Variants in KCNAB1 observed in about 807,000 individuals in gnomAD.
The protein encoded by KCNAB1 is voltage-gated potassium channel subunit beta-1.
KCNAB1 carries 35 observed loss-of-function variants against 64.6 expected under a neutral mutation model. The observed-to-expected ratio is 0.54, with a 90% confidence interval of 0.41 to 0.72. The LOEUF is 0.72. Among genes scored for constraint, KCNAB1 ranks in the 30% least tolerant of loss-of-function variants. KCNAB1 has a pLI of 0.00. For synonymous variants in KCNAB1, 177 were observed against 183.8 expected, an observed-to-expected ratio of 0.96 and a Z score of 0.30; for missense variants, 401 against 512.9, an observed-to-expected ratio of 0.78 and a Z score of 2.11.
chr3:156,519,214 T>C (rs1436407179), intron 11 of KCNAB1, among the ~76,000 whole-genome samples: 1 of 152,224 alleles, frequency 6.6e-6, no homozygotes, highest in Non-Finnish European at 1.5e-5. Flanking sequence ...AAAATATTAA[T>C]CTGACCATAT....
chr3:156,313,133 G>A (rs1224881485), intron 1 of KCNAB1, among the ~76,000 whole-genome samples: 1 of 152,130 alleles, frequency 6.6e-6, no homozygotes, highest in African/African-American at 2.4e-5. Flanking sequence ...ACATTTAAAT[G>A]AAATCCAATG....
At chr3:156,500,175 A>T (rs1050308146) in intron 8 of KCNAB1, among the ~76,000 whole-genome samples, 2 of 152,176 alleles carry the variant, frequency 1.3e-5, no homozygotes, top group African/African-American at 4.8e-5. Flanking sequence ...TGGAATGATG[A>T]AGCAGAGGGC....
At position 156,250,355 on chromosome 3, in the gene KCNAB1, G is replaced by T. The variant is rs117922233; in HGVS notation, c.275+129469G>T. 8.9e-4 allele frequency among the ~76,000 whole-genome samples: 135 copies of T among 152,206 alleles called. 2 individuals are homozygous for T. In the East Asian group the frequency reaches 0.018, roughly 20 times the overall value. On this transcript the variant is annotated intron_variant, in intron 1 of 13. Coordinates refer to ENST00000490337, the MANE Select transcript of KCNAB1 (RefSeq NM_172160.3). Reference sequence around the variant, plus strand: ...TCTTCAAAGCCTGTTTTACAAATTTGCCCAAGGCCAGCTGTGTTCAGGAAA... The same window carrying T: ...TCTTCAAAGCCTGTTTTACAAATTTTCCCAAGGCCAGCTGTGTTCAGGAAA...
intron 8 of KCNAB1, among the ~76,000 whole-genome samples, chr3:156,504,371 A>G (rs1259231392): frequency 6.6e-6 from 1 of 152,216 alleles, no homozygotes; most frequent in Non-Finnish European, 1.5e-5. Flanking sequence ...CGAAATAAAC[A>G]TGAGAGTGCA....
At chr3:156,331,093 C>T (rs1051369660) in intron 1 of KCNAB1, among the ~76,000 whole-genome samples, 2 of 152,154 alleles carry the variant, frequency 1.3e-5, no homozygotes, top group South Asian at 4.1e-4. Context: ...TGGAGAGGGG[C>T]TCCTTGTCCA....
chr3:156,344,058 T>C (rs1433311782), intron 1 of KCNAB1, among the ~76,000 whole-genome samples: 2 of 152,180 alleles, frequency 1.3e-5, no homozygotes, highest in African/African-American at 4.8e-5. Flanking sequence ...GAGGCTCTCT[T>C]AGCAAACCCC....
rs139398571 is a variant in KCNAB1, at chr3:156,372,530, C to T, written c.276-49086C>T. ...AGAATTTGCTTTTCTAGCAAGCTCC[C>T]AGGTAATACTGATGATGCTGGTGGA... is the stretch of plus-strand genomic sequence containing the variant. On this transcript the variant is annotated intron_variant, in intron 1 of 13. Coordinates refer to ENST00000490337, the MANE Select transcript of KCNAB1 (RefSeq NM_172160.3). Among the ~76,000 whole-genome samples, 68 of 152,276 alleles carry T rather than the reference C, an allele frequency of 4.5e-4. 1 individual carries two copies. The highest frequency in any genetic ancestry group is 1.6e-3 in the African/African-American group (66 of 41,556).
In KCNAB1 at chr3:156,375,316, C is replaced by T. The variant is rs1192558900; in HGVS notation, c.276-46300C>T. On this transcript the variant is annotated intron_variant, in intron 1 of 13. Coordinates refer to ENST00000490337, the MANE Select transcript of KCNAB1 (RefSeq NM_172160.3). ...AGAGTTTATGAAGCTCATCCCTATG[C>T]AGCCCCTCACTCCCAGCCACTTTTG... Among the ~76,000 whole-genome samples the T allele has an allele frequency of 1.5e-5, 2 of 134,674 alleles. 1 individual carries two copies. Among genetic ancestry groups the T allele is most frequent in the African/African-American group, 6.7e-5 (2 of 29,822 alleles). 88.4% of individuals were successfully genotyped at this position (134,674 alleles called of 152,430 possible).
At chr3:156,344,864 T>G (rs1385254309) in intron 1 of KCNAB1, among the ~76,000 whole-genome samples, 1 of 152,170 alleles carries the variant, frequency 6.6e-6, no homozygotes, top group Non-Finnish European at 1.5e-5. Flanking sequence ...CATCAACCTC[T>G]TGGGCATCCG....
At chr3:156,521,343 G>A (rs910084611) in intron 11 of KCNAB1, among the ~76,000 whole-genome samples, 1 of 152,068 alleles carries the variant, frequency 6.6e-6, no homozygotes, top group African/African-American at 2.4e-5. Context: ...ACTGCATTGG[G>A]GAGGAGGTGT....
At chr3:156,156,862 A>G (rs1715755787) in intron 1 of KCNAB1, among the ~76,000 whole-genome samples, 1 of 152,226 alleles carries the variant, frequency 6.6e-6, no homozygotes, top group Admixed American at 6.5e-5. Context: ...TCATCAGTAT[A>G]TTGCGAGAAC....
At chr3:156,352,770 A>G (rs1045206400) in intron 1 of KCNAB1, among the ~76,000 whole-genome samples, 4 of 152,148 alleles carry the variant, frequency 2.6e-5, no homozygotes, top group Non-Finnish European at 5.9e-5. Flanking sequence ...AGGACCCCCA[A>G]CCACAGGAAA....
intron 1 of KCNAB1, among the ~76,000 whole-genome samples, chr3:156,372,413 A>AT (rs1268290278): frequency 4.6e-5 from 7 of 152,240 alleles, no homozygotes; most frequent in African/African-American, 1.4e-4. Context: ...CTCAAATTTA[A>AT]GCCTGCATCA....
At chr3:156,236,875 G>C (rs1214470865) in intron 1 of KCNAB1, among the ~76,000 whole-genome samples, 2 of 152,076 alleles carry the variant, frequency 1.3e-5, no homozygotes. Context: ...AGTTAGGCAT[G>C]CATGACTTCT....
At chr3:156,272,659 C>T (rs1409391615) in intron 1 of KCNAB1, among the ~76,000 whole-genome samples, 2 of 151,970 alleles carry the variant, frequency 1.3e-5, no homozygotes, top group African/African-American at 4.8e-5. Flanking sequence ...GGAGCCAAGG[C>T]CTGGAATTAG....
chr3:156,368,946 C>T (rs191573277), intron 1 of KCNAB1, among the ~76,000 whole-genome samples: 1 of 152,272 alleles, frequency 6.6e-6, no homozygotes, highest in Admixed American at 6.5e-5. Context: ...TTCTTTAATA[C>T]GTTCATTGAT....
intron 13 of KCNAB1, 80 bp downstream of exon 13, chr3:156,531,577 C>T: frequency 9.6e-7 from 1 of 1,044,490 alleles, no homozygotes; most frequent in Non-Finnish European, 1.5e-6. Context: ...CCCATCTCTC[C>T]CCCTCTCTGT....
At chr3:156,313,447 C>A (rs550555855) in intron 1 of KCNAB1, among the ~76,000 whole-genome samples, 2 of 152,254 alleles carry the variant, frequency 1.3e-5, no homozygotes, top group Non-Finnish European at 2.9e-5. Context: ...AGTGTAATCA[C>A]AGGTATCTTT....
At chr3:156,119,858 A>G (rs1713239614), upstream of KCNAB1, among the ~76,000 whole-genome samples, 2 of 152,064 alleles carry the variant, frequency 1.3e-5, no homozygotes. Flanking sequence ...ATGCACATAC[A>G]GGCTCCCACC....
Sources: allele counts gnomAD v4.1 joint callset (sites outside exome capture counted in the v4.1 genomes callset), GRCh38; gene constraint gnomAD v4.1.1; transcripts MANE v1.5; gene names NCBI Gene and HGNC (gene_info 2026-07-23, HGNC 2026-07-21).